Variants in DGKB observed in about 807,000 individuals in gnomAD.
DGKB encodes the protein diacylglycerol kinase beta.
In DGKB, 67 loss-of-function variants were observed where a neutral mutation model predicts 114.3. That is an observed-to-expected ratio of 0.59 (90% confidence interval 0.48 to 0.72). DGKB has a LOEUF of 0.72. Ranked by LOEUF, DGKB falls within the 30% of genes least tolerant of loss-of-function variation. The probability of loss-of-function intolerance (pLI) is 0.00; values close to 1 mark genes in which losing one functional copy is unlikely to be tolerated. For missense variants in DGKB, 907 were observed against 975.2 expected (o/e 0.93, Z 0.93); for synonymous variants, 398 against 323.1 (o/e 1.23, Z -2.49).
At chr7:14,608,176 T>G (rs1281109115) in intron 16 of DGKB, among the ~76,000 whole-genome samples, 2 of 152,008 alleles carry the variant, frequency 1.3e-5, no homozygotes, top group Non-Finnish European at 2.9e-5. Context: ...CTCACACTGT[T>G]TTAATTCTTA....
At chr7:14,645,395 T>A (rs559198098) in intron 13 of DGKB, among the ~76,000 whole-genome samples, 29 of 152,108 alleles carry the variant, frequency 1.9e-4, no homozygotes, top group African/African-American at 7.0e-4. Context: ...AAAAGAGTGG[T>A]AATATTCTCT....
At chr7:14,819,954 GCC>G (rs1298813173) in intron 2 of DGKB, among the ~76,000 whole-genome samples, 1 of 152,150 alleles carries the variant, frequency 6.6e-6, no homozygotes, top group Non-Finnish European at 1.5e-5. Context: ...TTTTTTAACA[GCC>G]ACCCTCCGCC....
At chr7:14,825,862 T>C (rs1167880835) in intron 2 of DGKB, among the ~76,000 whole-genome samples, 1 of 152,176 alleles carries the variant, frequency 6.6e-6, no homozygotes, top group Admixed American at 6.6e-5. Context: ...CTTACCTCTG[T>C]ATTATATCAA....
At chr7:14,481,201 T>A (rs1208566250) in intron 20 of DGKB, among the ~76,000 whole-genome samples, 1 of 152,002 alleles carries the variant, frequency 6.6e-6, no homozygotes, top group Non-Finnish European at 1.5e-5. Flanking sequence ...GTGTCTCAAA[T>A]ACTTGATCAC....
At chr7:14,750,032 C>G (rs1833882393) in intron 4 of DGKB, 2 of 470,284 alleles carry the variant, frequency 4.3e-6, no homozygotes, top group Non-Finnish European at 8.6e-6. Flanking sequence ...CCAAATGTTA[C>G]TATGTTTTAG....
chr7:14,516,729 C>G (rs1399726406), intron 20 of DGKB, among the ~76,000 whole-genome samples: 1 of 152,000 alleles, frequency 6.6e-6, no homozygotes, highest in African/African-American at 2.4e-5. Context: ...ATTTTGTATC[C>G]TGAAACTTAG....
intron 17 of DGKB, among the ~76,000 whole-genome samples, chr7:14,587,735 C>T (rs2128738869): frequency 6.6e-6 from 1 of 152,206 alleles, no homozygotes; most frequent in Middle Eastern, 3.4e-3. Flanking sequence ...AACTCTCTAC[C>T]AGAAAAAACA....
At chr7:14,488,258 T>C (rs967886099) in intron 20 of DGKB, among the ~76,000 whole-genome samples, 2 of 152,080 alleles carry the variant, frequency 1.3e-5, no homozygotes, top group African/African-American at 4.8e-5. Flanking sequence ...AAATTATAAA[T>C]CCCACTCTTG....
intron 13 of DGKB, among the ~76,000 whole-genome samples, chr7:14,643,584 C>T: frequency 6.6e-6 from 1 of 152,152 alleles, no homozygotes; most frequent in East Asian, 1.9e-4. Context: ...TTCCCAGCAT[C>T]TGAGCCCATG....
intron 21 of DGKB, among the ~76,000 whole-genome samples, chr7:14,456,706 A>G (rs1047797887): frequency 6.6e-6 from 1 of 152,070 alleles, no homozygotes; most frequent in African/African-American, 2.4e-5. Context: ...TTACACAAAA[A>G]TATTTTACCA....
intron 9 of DGKB, among the ~76,000 whole-genome samples, chr7:14,692,155 T>C (rs867867672): frequency 1.8e-4 from 27 of 151,814 alleles, no homozygotes; most frequent in Admixed American, 7.9e-4. Context: ...AAATAATAAA[T>C]AATATATCAG....
intron 25 of DGKB, among the ~76,000 whole-genome samples, chr7:14,163,144 A>T (rs1784145896): frequency 6.6e-6 from 1 of 152,190 alleles, no homozygotes; most frequent in African/African-American, 2.4e-5. Flanking sequence ...CCTAAAGATG[A>T]CACCTTGGAA....
chr7:14,543,840 C>T (rs1312149462), intron 20 of DGKB, among the ~76,000 whole-genome samples: 1 of 152,110 alleles, frequency 6.6e-6, no homozygotes, highest in African/African-American at 2.4e-5. Context: ...TTCCAGACAC[C>T]TGCATACACC....
intron 23 of DGKB, among the ~76,000 whole-genome samples, chr7:14,238,614 A>G (rs1198838784): frequency 1.3e-5 from 2 of 151,902 alleles, no homozygotes; most frequent in Admixed American, 6.6e-5. Context: ...GTAGCAAATC[A>G]TTCTGAAAAT....
intron 20 of DGKB, among the ~76,000 whole-genome samples, chr7:14,487,872 A>G (rs1784062512): frequency 6.6e-6 from 1 of 152,104 alleles, no homozygotes; most frequent in South Asian, 2.1e-4. Context: ...TTCAGCCTCC[A>G]AAAGTGTTGG....
upstream of DGKB, among the ~76,000 whole-genome samples, chr7:14,904,077 G>C (rs540260608): frequency 6.6e-6 from 1 of 152,050 alleles, no homozygotes; most frequent in African/African-American, 2.4e-5. Context: ...ATGACATTCG[G>C]CAGAACTTAG....
intron 6 of DGKB, among the ~76,000 whole-genome samples, chr7:14,710,108 T>C (rs1256818615): frequency 6.6e-6 from 1 of 151,970 alleles, no homozygotes; most frequent in Non-Finnish European, 1.5e-5. Flanking sequence ...TATAGATCTG[T>C]TTGGGGGAGA....
At chr7:14,492,085 G>C (rs991401750) in intron 20 of DGKB, among the ~76,000 whole-genome samples, 1 of 151,932 alleles carries the variant, frequency 6.6e-6, no homozygotes, top group South Asian at 2.1e-4. Context: ...AGAGATAAAA[G>C]TGTTTTGTTT....
At chr7:14,392,995 G>GTTTTTGTTTTTTTTTTTTTTTGTTTTT in intron 21 of DGKB, among the ~76,000 whole-genome samples, 1 of 60,548 alleles carries the variant, frequency 1.7e-5, no homozygotes, top group Middle Eastern at 0.016. Context: ...TTTTGTTTTT[G>GTTTTTGTTTTTTTTTTTTTTTGTTTTT]TTTTTTTTTT....
Sources: allele counts gnomAD v4.1 joint callset (sites outside exome capture counted in the v4.1 genomes callset), GRCh38; gene constraint gnomAD v4.1.1; transcripts MANE v1.5; gene names NCBI Gene and HGNC (gene_info 2026-07-23, HGNC 2026-07-21).